Variants in PPP2R2B observed in about 807,000 individuals in gnomAD.
PPP2R2B encodes protein phosphatase 2 regulatory subunit Bbeta, also known as serine/threonine-protein phosphatase 2A 55 kDa regulatory subunit B beta isoform.
A neutral mutation model predicts 46.0 loss-of-function variants in PPP2R2B; 5 were observed. That is an observed-to-expected ratio of 0.11 (90% CI 0.06 to 0.23). The LOEUF (loss-of-function observed/expected upper bound fraction) is 0.23, where lower values mean the gene tolerates loss of function less well. Among genes scored for constraint, PPP2R2B ranks in the 10% least tolerant of loss-of-function variants. The probability of loss-of-function intolerance (pLI) is 1.00; values close to 1 mark genes in which losing one functional copy is unlikely to be tolerated. For missense variants in PPP2R2B, 367 were observed against 575.0 expected (o/e 0.64, Z 3.70); for synonymous variants, 215 against 206.7 (o/e 1.04, Z -0.34).
At chr5:146,686,923 A>G (rs535564061) in intron 5 of PPP2R2B, among the ~76,000 whole-genome samples, 1 of 152,098 alleles carries the variant, frequency 6.6e-6, no homozygotes, top group African/African-American at 2.4e-5. Flanking sequence ...GAAGAAGGGC[A>G]TGGAGGGTCT....
intron 1 of PPP2R2B, among the ~76,000 whole-genome samples, chr5:147,022,526 C>T (rs1384478337): frequency 1.3e-5 from 2 of 151,370 alleles, no homozygotes; most frequent in Middle Eastern, 3.4e-3. Flanking sequence ...TGCCACTGCA[C>T]TCCAGCCTGG....
intron 1 of PPP2R2B, among the ~76,000 whole-genome samples, chr5:146,989,397 A>G (rs968641391): frequency 7.9e-5 from 12 of 152,144 alleles, no homozygotes; most frequent in African/African-American, 2.9e-4. Context: ...AAGATCATTT[A>G]TTATGATCAA....
At chr5:146,702,035 C>T (rs1779570794) in intron 2 of PPP2R2B, among the ~76,000 whole-genome samples, 1 of 142,832 alleles carries the variant, frequency 7.0e-6, no homozygotes, top group South Asian at 2.2e-4. Context: ...CCAACAATTG[C>T]TACCAAGAGT....
chr5:146,922,882 G>A (rs993719500), intron 1 of PPP2R2B, among the ~76,000 whole-genome samples: 1 of 152,048 alleles, frequency 6.6e-6, no homozygotes, highest in Non-Finnish European at 1.5e-5. Flanking sequence ...AGAACTACGA[G>A]GGAAGAGGTT....
intron 1 of PPP2R2B, among the ~76,000 whole-genome samples, chr5:147,005,677 G>A (rs1228193993): frequency 1.3e-5 from 2 of 152,064 alleles, no homozygotes; most frequent in African/African-American, 4.8e-5. Flanking sequence ...AAGTCAGAGA[G>A]AGAGAGGAAG....
intron 7 of PPP2R2B, among the ~76,000 whole-genome samples, chr5:146,601,068 A>T (rs970702209): frequency 6.6e-6 from 1 of 152,108 alleles, no homozygotes; most frequent in Non-Finnish European, 1.5e-5. Flanking sequence ...GGCTCCTTTT[A>T]CTTGGCATAA....
At chr5:146,855,059 A>G (rs1760571821) in intron 2 of PPP2R2B, among the ~76,000 whole-genome samples, 1 of 152,048 alleles carries the variant, frequency 6.6e-6, no homozygotes, top group African/African-American at 2.4e-5. Flanking sequence ...ACTCAAAGCT[A>G]TTCAGTTTCA....
chr5:147,038,625 T>G (rs1167741836), intron 1 of PPP2R2B, among the ~76,000 whole-genome samples: 1 of 152,206 alleles, frequency 6.6e-6, no homozygotes, highest in Non-Finnish European at 1.5e-5. Flanking sequence ...CGAATTATAA[T>G]AGCCAACATA....
intron 1 of PPP2R2B, among the ~76,000 whole-genome samples, chr5:146,995,912 T>A (rs955758919): frequency 1.3e-5 from 2 of 152,146 alleles, no homozygotes; most frequent in Non-Finnish European, 2.9e-5. Flanking sequence ...AAACCAGCAA[T>A]ATAAAACCAG....
At chr5:146,748,779 A>G (rs4091215) in intron 2 of PPP2R2B, among the ~76,000 whole-genome samples, 89,045 of 152,086 alleles carry the variant, frequency 0.59, 27,861 homozygotes, top group Non-Finnish European at 0.69. Flanking sequence ...CTGTTCACAC[A>G]TCTAAGAACA....
chr5:146,906,575 G>T (rs1218569228), intron 1 of PPP2R2B, among the ~76,000 whole-genome samples: 1 of 152,192 alleles, frequency 6.6e-6, no homozygotes, highest in Non-Finnish European at 1.5e-5. Flanking sequence ...GCCTGCCTCG[G>T]CCTCCCAAAG....
At chr5:146,870,174 C>G (rs1761530474) in intron 2 of PPP2R2B, among the ~76,000 whole-genome samples, 2 of 152,140 alleles carry the variant, frequency 1.3e-5, no homozygotes, top group Admixed American at 1.3e-4. Context: ...AGGATTCATA[C>G]CAGTGTGATA....
rs547595476 is a variant in PPP2R2B at position 146,680,860 on chromosome 5, T to G, written c.447+10268A>C. On this transcript the variant is annotated intron_variant, in intron 5 of 9. Transcript: ENST00000394411. ...ATTCCTTTCCTTGTTGCTAAACCAT[T>G]CTAAGGAAACCAGAGAATAAAATAT... is the stretch of plus-strand genomic sequence containing the variant. Among the ~76,000 whole-genome samples, 19 of 152,292 alleles carry G rather than the reference T, an allele frequency of 1.2e-4. No homozygotes were observed. The East Asian group carries it at 2.1e-3, about 17-fold the overall frequency.
intron 7 of PPP2R2B, among the ~76,000 whole-genome samples, chr5:146,620,418 C>T (rs761508624): frequency 6.6e-6 from 1 of 152,188 alleles, no homozygotes; most frequent in Admixed American, 6.5e-5. Flanking sequence ...AGCACATTCT[C>T]TCCAGCAGGC....
chr5:146,900,554 TCTTCCTTCCTTCCTTCCTTC>T (rs145747835), intron 1 of PPP2R2B, among the ~76,000 whole-genome samples: 1 of 110,054 alleles, frequency 9.1e-6, no homozygotes, highest in Non-Finnish European at 1.8e-5. Flanking sequence ...TTCCTTCCTT[TCTTCCTTCCTTCCTTCCTTC>T]CTTCCTTCCT....
intron 7 of PPP2R2B, among the ~76,000 whole-genome samples, chr5:146,615,742 AG>A (rs1227336562): frequency 1.3e-5 from 2 of 152,132 alleles, no homozygotes; most frequent in Non-Finnish European, 2.9e-5. Context: ...AAGAAAAGGA[AG>A]GGGACACAAA....
intron 1 of PPP2R2B, among the ~76,000 whole-genome samples, chr5:146,966,218 T>G (rs1561545506): frequency 6.6e-6 from 1 of 152,168 alleles, no homozygotes; most frequent in Non-Finnish European, 1.5e-5. Flanking sequence ...TTGTCATTGT[T>G]TATTATTGAA....
intron 2 of PPP2R2B, among the ~76,000 whole-genome samples, chr5:146,731,480 C>A (rs1752226508): frequency 6.6e-6 from 1 of 152,208 alleles, no homozygotes; most frequent in African/African-American, 2.4e-5. Flanking sequence ...GGCCAACTTG[C>A]ATTTCTGTAT....
chr5:146,723,208 G>T (rs1390400386), intron 2 of PPP2R2B, among the ~76,000 whole-genome samples: 2 of 152,162 alleles, frequency 1.3e-5, no homozygotes, highest in Non-Finnish European at 2.9e-5. Context: ...CATAATAAGT[G>T]TCCAATAAAT....
Sources: allele counts gnomAD v4.1 joint callset (sites outside exome capture counted in the v4.1 genomes callset), GRCh38; gene constraint gnomAD v4.1.1; transcripts MANE v1.5; gene names NCBI Gene and HGNC (gene_info 2026-07-23, HGNC 2026-07-21).